Variants in ENOX2 observed in about 807,000 individuals in gnomAD.
The protein encoded by ENOX2 is APK1 antigen.
In ENOX2, 36 loss-of-function variants were observed where a neutral mutation model predicts 45.0. The observed-to-expected ratio is 0.80, with a 90% confidence interval of 0.61 to 1.06. ENOX2 has a LOEUF of 1.06. Ranked by LOEUF, ENOX2 falls within the 50% of genes least tolerant of loss-of-function variation. The pLI, the probability that ENOX2 is intolerant of heterozygous loss-of-function variation, is 0.00. For synonymous variants in ENOX2, 174 were observed against 152.3 expected (o/e 1.14, Z -1.05); for missense variants, 423 against 462.5 (o/e 0.91, Z 0.78).
intron 4 of ENOX2, among the ~76,000 whole-genome samples, chrX:130,691,571 A>G (rs1029705630): frequency 2.7e-5 from 3 of 112,573 alleles, no homozygotes; most frequent in Non-Finnish European, 5.6e-5. Flanking sequence ...TTTCTCATGC[A>G]GAAGATTTTG....
intron 4 of ENOX2, among the ~76,000 whole-genome samples, chrX:130,695,774 G>T (rs757878531): frequency 1.8e-5 from 2 of 111,727 alleles, no homozygotes; most frequent in South Asian, 7.6e-4. Flanking sequence ...TGTGTACTGG[G>T]AAATTTTAAC....
intron 3 of ENOX2, among the ~76,000 whole-genome samples, chrX:130,736,237 G>A (rs1374936587): frequency 9.1e-6 from 1 of 109,743 alleles, no homozygotes. Context: ...GGTGACGGGC[G>A]CCTGTAATCC....
intron 3 of ENOX2, among the ~76,000 whole-genome samples, chrX:130,738,840 C>T: frequency 8.9e-6 from 1 of 112,220 alleles, no homozygotes; most frequent in Non-Finnish European, 1.9e-5. Context: ...CAAGCAAGTA[C>T]TATCACAAAA....
At chrX:130,698,563 T>C (rs927648096) in intron 4 of ENOX2, among the ~76,000 whole-genome samples, 14 of 111,934 alleles carry the variant, frequency 1.3e-4, no homozygotes, top group Admixed American at 4.8e-4. Flanking sequence ...GTAAAATATA[T>C]ACCATGATGA....
intron 2 of ENOX2, among the ~76,000 whole-genome samples, chrX:130,876,891 G>A (rs1355009064): frequency 4.5e-5 from 5 of 111,654 alleles, no homozygotes; most frequent in African/African-American, 1.3e-4. Flanking sequence ...ATTTCCTACC[G>A]TATACTAGAG....
At chrX:130,746,253 T>C (rs1205572164) in intron 3 of ENOX2, among the ~76,000 whole-genome samples, 1 of 111,976 alleles carries the variant, frequency 8.9e-6, no homozygotes, top group Non-Finnish European at 1.9e-5. Context: ...ATTTTTCCCA[T>C]CCAGACAGGA....
chrX:130,668,093 G>C (rs998355454), intron 7 of ENOX2, among the ~76,000 whole-genome samples: 2 of 110,213 alleles, frequency 1.8e-5, no homozygotes, highest in African/African-American at 6.6e-5. Flanking sequence ...GAGAGAGAGA[G>C]AGAGAGAAGG....
chrX:130,796,197 T>C (rs1320827697), intron 2 of ENOX2, among the ~76,000 whole-genome samples: 1 of 111,118 alleles, frequency 9.0e-6, no homozygotes, highest in Non-Finnish European at 1.9e-5. Flanking sequence ...AATGAATGGA[T>C]TTCAGAGATA....
At chrX:130,693,992 G>T (rs1330485171) in intron 4 of ENOX2, among the ~76,000 whole-genome samples, 1 of 111,684 alleles carries the variant, frequency 9.0e-6, no homozygotes. Flanking sequence ...TCTTGTATCT[G>T]TCCTTACCAA....
At chrX:130,741,759 C>T (rs2038986932) in intron 3 of ENOX2, among the ~76,000 whole-genome samples, 1 of 111,127 alleles carries the variant, frequency 9.0e-6, no homozygotes, top group Non-Finnish European at 1.9e-5. Context: ...AAAGAGCCTC[C>T]CCTTAGTACC....
intron 2 of ENOX2, among the ~76,000 whole-genome samples, chrX:130,794,601 A>G (rs907768567): frequency 3.5e-5 from 4 of 112,866 alleles, no homozygotes; most frequent in Non-Finnish European, 7.5e-5. Context: ...ATAATTTCAC[A>G]TGCTGTGAGT....
In ENOX2 at chrX:130,631,892, A is replaced by G. The variant is rs538958981; in HGVS notation, c.1420-316T>C. Among the ~76,000 whole-genome samples, 5 of 108,969 alleles carry G rather than the reference A, an allele frequency of 4.6e-5. No individual in the cohort carries two copies. The South Asian group carries it at 2.1e-3, about 45-fold the overall frequency. The allele number at this position is 108,969 out of a possible 115,157, so 94.6% of individuals were successfully genotyped here. ...CCAACATTTATGGTATACTAACAAG[A>G]TGCTAGGCACTGTTAGGTAAGTATT... On this transcript the variant is annotated intron_variant, in intron 12 of 14. Coordinates refer to ENST00000394363, the MANE Select transcript of ENOX2 (RefSeq NM_006375.4).
intron 2 of ENOX2, among the ~76,000 whole-genome samples, chrX:130,863,502 C>T (rs1226723121): frequency 8.9e-6 from 1 of 112,337 alleles, no homozygotes; most frequent in East Asian, 2.8e-4. Context: ...TCTCTGTAGA[C>T]AAGACAGGGT....
intron 2 of ENOX2, among the ~76,000 whole-genome samples, chrX:130,894,232 C>A (rs1195644444): frequency 9.0e-6 from 1 of 110,837 alleles, no homozygotes; most frequent in Non-Finnish European, 1.9e-5. Context: ...GGATATACAC[C>A]CAGTAATGGG....
At chrX:130,818,812 G>A (rs768265934) in intron 2 of ENOX2, among the ~76,000 whole-genome samples, 2 of 111,888 alleles carry the variant, frequency 1.8e-5, no homozygotes, top group South Asian at 7.4e-4. Context: ...GAAAACCTAG[G>A]CAATACCATT....
chrX:130,862,667 C>A (rs1569322398), intron 2 of ENOX2, among the ~76,000 whole-genome samples: 1 of 110,905 alleles, frequency 9.0e-6, no homozygotes, highest in Non-Finnish European at 1.9e-5. Flanking sequence ...GTTTTTTGTT[C>A]TCAGATGTAT....
At chrX:130,655,890 G>A (rs1235342029) in intron 10 of ENOX2, among the ~76,000 whole-genome samples, 1 of 111,982 alleles carries the variant, frequency 8.9e-6, no homozygotes, top group East Asian at 2.8e-4. Flanking sequence ...CACCCACCTC[G>A]GCCTCCCAAA....
At chrX:130,734,843 G>T (rs1199952898) in intron 3 of ENOX2, among the ~76,000 whole-genome samples, 2 of 111,909 alleles carry the variant, frequency 1.8e-5, no homozygotes, top group Admixed American at 9.5e-5. Context: ...TTAAACATTT[G>T]ATTAACACTG....
chrX:130,791,941 G>T (rs2077049983), intron 2 of ENOX2, among the ~76,000 whole-genome samples: 1 of 112,179 alleles, frequency 8.9e-6, no homozygotes, highest in African/African-American at 3.2e-5. Flanking sequence ...TGTACATCAG[G>T]TTACATGTCC....
Sources: gnomAD v4.1 joint callset for allele counts (sites outside exome capture counted in the v4.1 genomes callset) on GRCh38, gnomAD v4.1.1 for gene constraint, MANE v1.5 for transcripts, NCBI Gene and HGNC (gene_info 2026-07-23, HGNC 2026-07-21) for gene names.